Variants in USH2A observed in about 807,000 individuals in gnomAD.
USH2A encodes the protein usherin.
USH2A carries 443 observed loss-of-function variants against 538.9 expected under a neutral mutation model. That is an observed-to-expected ratio of 0.82 (90% CI 0.76 to 0.89). The LOEUF (loss-of-function observed/expected upper bound fraction) is 0.89, where lower values mean the gene tolerates loss of function less well. Ranked by LOEUF, USH2A falls within the 40% of genes least tolerant of loss-of-function variation. USH2A has a pLI of 0.00. For missense variants in USH2A, 6,633 were observed against 6,324.8 expected (o/e 1.05, Z -1.65); for synonymous variants, 2,413 against 2,273.5 (o/e 1.06, Z -1.75).
intron 16 of USH2A, among the ~76,000 whole-genome samples, chr1:216,201,207 G>A (rs769672578): frequency 1.3e-4 from 20 of 151,214 alleles, no homozygotes; most frequent in Non-Finnish European, 2.2e-4. Context: ...TATCCCCATC[G>A]GCAACTTTCA....
chr1:215,790,062 C>A lies in USH2A; in HGVS notation c.10179G>T (p.Met3393Ile), dbSNP rs1558099085. 1 of 1,613,138 alleles carries A rather than the reference C, an allele frequency of 6.2e-7. No individual in the cohort carries two copies. The highest frequency in any genetic ancestry group is 2.2e-5 in the East Asian group (1 of 44,836). Residue 3393 changes from methionine (M) to isoleucine (I), a missense_variant, in exon 51 of 72, where the codon ATG becomes ATT. Met to Ile is a conservative substitution (Grantham distance 10). Transcript: ENST00000307340. ...CGAGAGCTTTTCTATCAATTACCTT[C>A]ATCATCATTCCAGTTGAAATCTTGT... Reference protein sequence around the residue: ...CSDKISTGMMMKETKECRILC... With the variant: ...CSDKISTGMMIKETKECRILC...
intron 49 of USH2A, among the ~76,000 whole-genome samples, chr1:215,810,581 A>G (rs990635025): frequency 5.3e-5 from 8 of 152,202 alleles, no homozygotes; most frequent in African/African-American, 1.9e-4. Flanking sequence ...TCCATGATCA[A>G]CTTGGTCTAC....
At chr1:216,273,400 G>C (rs376362917) in intron 11 of USH2A, among the ~76,000 whole-genome samples, 1 of 152,040 alleles carries the variant, frequency 6.6e-6, no homozygotes, top group Non-Finnish European at 1.5e-5. Flanking sequence ...AAATCATTGA[G>C]AGTGGATGGG....
At chr1:216,352,370 G>A (rs1377976418) in intron 4 of USH2A, among the ~76,000 whole-genome samples, 1 of 152,082 alleles carries the variant, frequency 6.6e-6, no homozygotes, top group African/African-American at 2.4e-5. Flanking sequence ...AAGGAGGAAG[G>A]AGCGATCAAC....
intron 60 of USH2A, among the ~76,000 whole-genome samples, chr1:215,728,955 T>C (rs1277122616): frequency 1.3e-5 from 2 of 152,196 alleles, no homozygotes; most frequent in African/African-American, 4.8e-5. Flanking sequence ...AAGCTATTAT[T>C]GGGAATCCTT....
At chr1:216,032,938 A>G (rs1669161509) in intron 32 of USH2A, among the ~76,000 whole-genome samples, 1 of 152,214 alleles carries the variant, frequency 6.6e-6, no homozygotes, top group Non-Finnish European at 1.5e-5. Context: ...TTGGCCTTGT[A>G]AAGCCCTAAT....
Position 215,934,768 on chromosome 1 carries a change from A to G in USH2A, c.7148T>C (p.Val2383Ala). Reference protein sequence around the residue: ...PVGNNYTLLNVTKVMYSGEET... With the variant: ...PVGNNYTLLNATKVMYSGEET... ...TTCTCCGCTGTACATGACTTTTGTG[A>G]CATTCAGAAGGGTGTAGTTATTACC... is the stretch of plus-strand genomic sequence containing the variant. Residue 2383 changes from valine (V) to alanine (A), a missense_variant, in exon 38 of 72, where the codon GTC (valine) becomes GCC (alanine). By Grantham distance (64) the Val-to-Ala change is moderately conservative. Transcript: ENST00000307340. 1 of 1,612,586 alleles carries G rather than the reference A, an allele frequency of 6.2e-7. No individual in the cohort carries two copies. The highest frequency in any genetic ancestry group is 8.5e-7 in the Non-Finnish European group (1 of 1,178,962).
intron 15 of USH2A, 120 bp downstream of exon 15, chr1:216,217,267 A>T: frequency 2.3e-6 from 3 of 1,282,046 alleles, no homozygotes; most frequent in Non-Finnish European, 3.3e-6. Context: ...TCTCTTACCT[A>T]CGTTCTTCAC....
chr1:216,371,857 A>G (rs979948548), intron 3 of USH2A, among the ~76,000 whole-genome samples: 1 of 152,246 alleles, frequency 6.6e-6, no homozygotes, highest in African/African-American at 2.4e-5. Flanking sequence ...TCTAAGCAAT[A>G]AAGAAAAGGC....
In USH2A at chr1:216,372,658, C is replaced by CA. The variant is rs200319523; in HGVS notation, c.652-7574dup. 3.7e-3 allele frequency among the ~76,000 whole-genome samples: 555 copies of CA among 151,298 alleles called. 2 individuals are homozygous for CA. Among genetic ancestry groups the CA allele is most frequent in the African/African-American group, 0.013 (519 of 41,328 alleles). ...TAGATTACTCTCTTCTCTCTACTGCCAAAAAAAAGCTATTAATTTACACAT... is the reference window on the plus strand; with the variant it reads ...TAGATTACTCTCTTCTCTCTACTGCCAAAAAAAAAGCTATTAATTTACACAT... On this transcript the variant is annotated intron_variant, in intron 3 of 71. Coordinates refer to ENST00000307340, the MANE Select transcript of USH2A (RefSeq NM_206933.4).
chr1:215,742,541 G>A (rs2102726782), intron 59 of USH2A, among the ~76,000 whole-genome samples: 2 of 152,114 alleles, frequency 1.3e-5, no homozygotes. Context: ...TAAATAAAAT[G>A]ATGTATAGCT....
At chr1:216,215,817 C>T (rs1364447414) in intron 15 of USH2A, among the ~76,000 whole-genome samples, 1 of 152,014 alleles carries the variant, frequency 6.6e-6, no homozygotes, top group South Asian at 2.1e-4. Flanking sequence ...TCTAACAAAT[C>T]AGAAACACTT....
chr1:216,396,365 A>G (rs953555335), intron 3 of USH2A, among the ~76,000 whole-genome samples: 1 of 152,110 alleles, frequency 6.6e-6, no homozygotes, highest in Non-Finnish European at 1.5e-5. Context: ...TTAGAAATAT[A>G]TATTTTCCAT....
intron 4 of USH2A, among the ~76,000 whole-genome samples, chr1:216,364,184 G>A (rs2038549960): frequency 6.6e-6 from 1 of 151,476 alleles, no homozygotes; most frequent in East Asian, 1.9e-4. Flanking sequence ...TAAACTATAT[G>A]GCCCATTTTT....
intron 58 of USH2A, among the ~76,000 whole-genome samples, chr1:215,745,440 C>T (rs1660444222): frequency 6.6e-6 from 1 of 152,202 alleles, no homozygotes; most frequent in Non-Finnish European, 1.5e-5. Context: ...TCAATGCATC[C>T]CTGTGTTATG....
At chr1:215,636,897 G>T (rs1265641876) in intron 69 of USH2A, among the ~76,000 whole-genome samples, 2 of 152,022 alleles carry the variant, frequency 1.3e-5, no homozygotes, top group African/African-American at 4.8e-5. Context: ...CCCAAAGCCC[G>T]GCCTCCAGAC....
chr1:216,109,946 T>C (rs1360244827), intron 21 of USH2A, among the ~76,000 whole-genome samples: 3 of 152,200 alleles, frequency 2.0e-5, no homozygotes, highest in African/African-American at 7.2e-5. Context: ...ATATTTTTTC[T>C]TGTAAATTCT....
intron 3 of USH2A, among the ~76,000 whole-genome samples, chr1:216,397,873 T>C (rs1358633632): frequency 6.6e-6 from 1 of 152,226 alleles, no homozygotes; most frequent in Non-Finnish European, 1.5e-5. Context: ...GCCTTTATAA[T>C]GATGTGAGCA....
rs953138397 is a variant in USH2A, at chr1:215,624,244, A to ACTT, written c.*1534_*1536dup. On this transcript the variant is annotated 3_prime_UTR_variant, in exon 72 of 72. Coordinates refer to ENST00000307340, the MANE Select transcript of USH2A (RefSeq NM_206933.4). ...CTTAATACTGGCCTGTGCTTTTGACACTTATGGTTGGCAAACTTTGTCTAG... is the reference window on the plus strand; with the variant it reads ...CTTAATACTGGCCTGTGCTTTTGACACTTCTTATGGTTGGCAAACTTTGTCTAG... 2.6e-5 allele frequency: 4 copies of ACTT among 152,078 alleles called. No individual in the cohort carries two copies. Among genetic ancestry groups the ACTT allele is most frequent in the African/African-American group, 9.7e-5 (4 of 41,354 alleles). 9.4% of individuals were successfully genotyped at this position (152,078 alleles called of 1,614,324 possible).
Sources: allele counts gnomAD v4.1 joint callset (sites outside exome capture counted in the v4.1 genomes callset), GRCh38; gene constraint gnomAD v4.1.1; transcripts MANE v1.5; gene names NCBI Gene and HGNC (gene_info 2026-07-23, HGNC 2026-07-21).